The following INTS4 variants were observed in gnomAD, a reference collection of about 807,000 sequenced individuals.
INTS4 encodes MSTP093.
INTS4 carries 70 observed loss-of-function variants against 119.5 expected under a neutral mutation model. That is an observed-to-expected ratio of 0.59 (90% CI 0.48 to 0.71). INTS4 has a LOEUF of 0.71. Ranked by LOEUF, INTS4 falls within the 30% of genes least tolerant of loss-of-function variation. INTS4 has a pLI of 0.00. For missense variants in INTS4, 867 were observed against 1,173.2 expected (o/e 0.74, Z 3.81); for synonymous variants, 316 against 419.6 (o/e 0.75, Z 3.02).
At position 77,958,800 on chromosome 11, in the gene INTS4, A is replaced by G. The variant is rs755854229; in HGVS notation, c.743T>C (p.Val248Ala). Residue 248 changes from valine (V) to alanine (A), a missense_variant, in exon 7 of 23, where the codon GTG becomes GCG. Transcript: ENST00000534064. ...GATAAGCTGGACTGCAGCACTGCGC[A>G]CTTGTTCATAGTCATCAGAGAGTAA... ...CKLLSDDYEQ[V>A]RSAAVQLIWV... 3.7e-6 allele frequency: 6 copies of G among 1,610,612 alleles called. No homozygotes were observed. Among genetic ancestry groups the G allele is most frequent in the South Asian group, 3.3e-5 (3 of 90,810 alleles).
chr11:77,958,504 T>C (rs1954385870), intron 7 of INTS4, among the ~76,000 whole-genome samples: 2 of 152,344 alleles, frequency 1.3e-5, no homozygotes, highest in South Asian at 4.1e-4. Context: ...TCTTCACTTA[T>C]GGATGAGAAG....
At chr11:77,941,040 C>G in intron 9 of INTS4, 140 bp downstream of exon 9, 1 of 1,259,304 alleles carries the variant, frequency 7.9e-7, no homozygotes, top group Non-Finnish European at 1.1e-6. Flanking sequence ...CTTCAATTTA[C>G]TAAGATTTTA....
At chr11:77,902,051 A>C (rs528701962) in intron 17 of INTS4, among the ~76,000 whole-genome samples, 1 of 152,350 alleles carries the variant, frequency 6.6e-6, no homozygotes, top group Non-Finnish European at 1.5e-5. Context: ...CCCCAGATCA[A>C]GTCCCCGATC....
downstream of INTS4, among the ~76,000 whole-genome samples, chr11:77,876,043 C>T (rs886452679): frequency 1.3e-5 from 2 of 152,068 alleles, no homozygotes; most frequent in African/African-American, 4.8e-5. Context: ...GTCAGATCAG[C>T]TCATCACTTA....
chr11:77,898,280 A>G (rs946792857), intron 18 of INTS4, among the ~76,000 whole-genome samples: 5 of 152,286 alleles, frequency 3.3e-5, no homozygotes, highest in African/African-American at 9.6e-5. Context: ...TTTCTGCCTC[A>G]GCCTCCCGAG....
chr11:77,882,313 G>A (rs187482525), intron 22 of INTS4, among the ~76,000 whole-genome samples: 1 of 152,134 alleles, frequency 6.6e-6, no homozygotes, highest in Non-Finnish European at 1.5e-5. Flanking sequence ...ATGGGGCCTA[G>A]GAAAAAGAAC....
At chr11:77,886,757 G>C (rs1226156087) in intron 21 of INTS4, among the ~76,000 whole-genome samples, 2 of 145,820 alleles carry the variant, frequency 1.4e-5, no homozygotes, top group African/African-American at 2.5e-5. Flanking sequence ...CGCCCGGCGA[G>C]GGGGCGGGGC....
chr11:77,921,546 C>T (rs1045332408), intron 13 of INTS4, 73 bp from the exon 14 acceptor site: 301 of 865,944 alleles, frequency 3.5e-4, no homozygotes, highest in Non-Finnish European at 4.9e-4. Flanking sequence ...TCACTTTCCA[C>T]CTCCAAAATC....
chr11:77,980,871 T>C (rs112939245), intron 3 of INTS4, among the ~76,000 whole-genome samples: 15 of 152,008 alleles, frequency 9.9e-5, no homozygotes, highest in African/African-American at 3.1e-4. Flanking sequence ...CAGGCACCTG[T>C]AGTCCCAGCT....
rs1361691342 is a variant in INTS4 at position 77,994,653 on chromosome 11, C to T, written c.-10G>A. 3 of 1,613,946 alleles carry T rather than the reference C, an allele frequency of 1.9e-6. No individual in the cohort carries two copies. Among genetic ancestry groups the T allele is most frequent in the East Asian group, 2.2e-5 (1 of 44,880 alleles). On this transcript the variant is annotated 5_prime_UTR_variant, in exon 1 of 23. Coordinates refer to ENST00000534064, the MANE Select transcript of INTS4 (RefSeq NM_033547.4). ...TAAGGTGCGCCGCCATGCCTACCCG[C>T]GGGCCCTCTCAGCTTCCGTACACTA...
chr11:77,928,296 G>T (rs377635978), intron 11 of INTS4, 46 bp downstream of exon 11: 42 of 1,597,684 alleles, frequency 2.6e-5, no homozygotes, highest in Middle Eastern at 1.7e-4. Context: ...TTTTAACAGG[G>T]GGGGGTGAGG....
At chr11:77,928,893 C>T (rs1401809844) in intron 10 of INTS4, among the ~76,000 whole-genome samples, 13 of 151,980 alleles carry the variant, frequency 8.6e-5, no homozygotes, top group East Asian at 5.8e-4. Context: ...TGGTGGCACA[C>T]GCCTATAGTC....
In INTS4 at chr11:77,952,805, A is replaced by G. The variant is rs187678181; in HGVS notation, c.918+3137T>C. Among the ~76,000 whole-genome samples, 260 of 152,296 alleles carry G rather than the reference A, an allele frequency of 1.7e-3. 3 individuals are homozygous for G. In the East Asian group the frequency reaches 0.028, roughly 17 times the overall value. ...AGTACAAAACTGAAAATTTTGAATG[A>G]TTCTTACTTTAAGGATTACTTTTTA... On this transcript the variant is annotated intron_variant, in intron 8 of 22. Coordinates refer to ENST00000534064, the MANE Select transcript of INTS4 (RefSeq NM_033547.4).
intron 15 of INTS4, among the ~76,000 whole-genome samples, chr11:77,912,154 G>C (rs1277958743): frequency 2.0e-5 from 3 of 152,054 alleles, no homozygotes; most frequent in Non-Finnish European, 4.4e-5. Context: ...CTGAGCTCAG[G>C]AGTTCGAGAC....
At position 77,953,882 on chromosome 11, in the gene INTS4, G is replaced by T. The variant is rs184534913; in HGVS notation, c.918+2060C>A. On this transcript the variant is annotated intron_variant, in intron 8 of 22. Transcript: ENST00000534064. ...TATAGGTGTGAGCCACTGCACCTCT[G>T]CCTCCCGGGTAACCTCTGCCTCCCG... Among the ~76,000 whole-genome samples, 987 of 148,604 alleles carry T rather than the reference G, an allele frequency of 6.6e-3. 4 individuals are homozygous for T. Among genetic ancestry groups the T allele is most frequent in the Non-Finnish European group, 0.01 (684 of 67,506 alleles).
chr11:77,901,684 TGAAA>T (rs1196192595), intron 17 of INTS4, 133 bp from the exon 18 acceptor site: 2 of 678,676 alleles, frequency 2.9e-6, no homozygotes, highest in African/African-American at 3.7e-5. Flanking sequence ...TTTTAAGTGT[TGAAA>T]GAAATTAGTA....
intron 4 of INTS4, among the ~76,000 whole-genome samples, chr11:77,966,526 C>T (rs1230890712): frequency 6.6e-6 from 1 of 152,136 alleles, no homozygotes; most frequent in Non-Finnish European, 1.5e-5. Flanking sequence ...ACCACTTCTC[C>T]CAGCATCATC....
chr11:77,887,975 T>C (rs1462999757), intron 21 of INTS4, among the ~76,000 whole-genome samples: 2 of 152,156 alleles, frequency 1.3e-5, no homozygotes, highest in Non-Finnish European at 2.9e-5. Flanking sequence ...GAAGAATCAA[T>C]ATTGTGAAAA....
At chr11:77,945,223 T>C (rs1454688467) in intron 8 of INTS4, among the ~76,000 whole-genome samples, 2 of 152,220 alleles carry the variant, frequency 1.3e-5, no homozygotes, top group Non-Finnish European at 2.9e-5. Flanking sequence ...TGGTCCCCAC[T>C]GCTGCCACAG....
Sources: gnomAD v4.1 joint callset for allele counts (sites outside exome capture counted in the v4.1 genomes callset) on GRCh38, gnomAD v4.1.1 for gene constraint, MANE v1.5 for transcripts, NCBI Gene and HGNC (gene_info 2026-07-23, HGNC 2026-07-21) for gene names.